PTPRK: variants seen among roughly 807,000 people sequenced by gnomAD.
The protein encoded by PTPRK is receptor-type tyrosine-protein phosphatase kappa.
PTPRK carries 75 observed loss-of-function variants against 178.0 expected under a neutral mutation model. The ratio of observed to expected loss-of-function variants is 0.42; its 90% confidence interval spans 0.35 to 0.51. The LOEUF is 0.51. PTPRK is among the 20% of genes least tolerant of loss of function. The probability of loss-of-function intolerance (pLI) is 0.02; values close to 1 mark genes in which losing one functional copy is unlikely to be tolerated. For synonymous variants in PTPRK, 637 were observed against 620.6 expected (o/e 1.03, Z -0.39); for missense variants, 1,441 against 1,797.8 (o/e 0.80, Z 3.59).
intron 2 of PTPRK, among the ~76,000 whole-genome samples, chr6:128,364,836 G>T (rs1405635032): frequency 6.6e-6 from 1 of 151,968 alleles, no homozygotes; most frequent in Non-Finnish European, 1.5e-5. Flanking sequence ...AAACGCCCAT[G>T]AAGTCTTTAA....
At chr6:128,026,186 T>A (rs1446442376) in intron 13 of PTPRK, among the ~76,000 whole-genome samples, 2 of 152,162 alleles carry the variant, frequency 1.3e-5, no homozygotes, top group Non-Finnish European at 2.9e-5. Context: ...TTGACAGATG[T>A]TGGTAGACAA....
chr6:128,013,180 C>G (rs1779233191), intron 13 of PTPRK, among the ~76,000 whole-genome samples: 1 of 151,346 alleles, frequency 6.6e-6, no homozygotes, highest in East Asian at 1.9e-4. Flanking sequence ...ACTTGGGTAC[C>G]TCCTAGTTTT....
At chr6:128,304,154 A>C (rs1240646000) in intron 3 of PTPRK, among the ~76,000 whole-genome samples, 1 of 152,246 alleles carries the variant, frequency 6.6e-6, no homozygotes, top group Non-Finnish European at 1.5e-5. Flanking sequence ...CTGGGGTGAC[A>C]TAAGACCTCT....
At chr6:128,082,258 G>C (rs1312488174) in intron 10 of PTPRK, among the ~76,000 whole-genome samples, 179 bp downstream of exon 10, 1 of 151,966 alleles carries the variant, frequency 6.6e-6, no homozygotes, top group African/African-American at 2.4e-5. Context: ...GATGTGTTTT[G>C]GTTTGGACAT....
chr6:128,329,497 G>A (rs1253170426), intron 2 of PTPRK, among the ~76,000 whole-genome samples: 1 of 151,548 alleles, frequency 6.6e-6, no homozygotes, highest in East Asian at 2.0e-4. Context: ...ATTCCAATCC[G>A]AGCCCAAAGG....
At chr6:128,449,096 G>A (rs1351986892) in intron 1 of PTPRK, among the ~76,000 whole-genome samples, 1 of 151,904 alleles carries the variant, frequency 6.6e-6, no homozygotes, top group African/African-American at 2.4e-5. Context: ...TCCTGACCTC[G>A]TGATCCACCC....
At chr6:128,045,491 G>GTA (rs1777897622) in intron 13 of PTPRK, among the ~76,000 whole-genome samples, 1 of 151,896 alleles carries the variant, frequency 6.6e-6, no homozygotes. Context: ...TTCTAAGAGG[G>GTA]TATGTGGGGA....
chr6:128,064,826 C>G, intron 12 of PTPRK, 32 bp from the exon 13 acceptor site: 13 of 1,556,822 alleles, frequency 8.4e-6, no homozygotes, highest in Non-Finnish European at 1.1e-5. Context: ...AAAAAAGAGT[C>G]AATGTACAGA....
At chr6:128,399,767 G>A (rs1486583229) in intron 1 of PTPRK, among the ~76,000 whole-genome samples, 1 of 152,124 alleles carries the variant, frequency 6.6e-6, no homozygotes, top group Non-Finnish European at 1.5e-5. Flanking sequence ...CATAGCCACT[G>A]TTAATTTTAG....
Position 128,496,010 on chromosome 6 carries a change from C to T in PTPRK, c.100+24249G>A, listed in dbSNP as rs561301521. Among the ~76,000 whole-genome samples, 7 of 152,174 alleles carry T rather than the reference C, an allele frequency of 4.6e-5. No homozygotes were observed. The South Asian group carries it at 1.5e-3, about 32-fold the overall frequency. The stretch of plus-strand genomic sequence containing the variant: ...CTTGGGTAAGACACATTCTTCTAAA[C>T]CCCCTATATTTTTTTCTGGACTTTC... On this transcript the variant is annotated intron_variant, in intron 1 of 29. Transcript: ENST00000368226.
At chr6:128,028,549 T>A (rs1434956886) in intron 13 of PTPRK, among the ~76,000 whole-genome samples, 1 of 152,254 alleles carries the variant, frequency 6.6e-6, no homozygotes, top group African/African-American at 2.4e-5. Context: ...CTGCCCATGC[T>A]GTTACCAGTG....
chr6:127,982,095 C>G (rs906421684), intron 24 of PTPRK, among the ~76,000 whole-genome samples: 1 of 152,158 alleles, frequency 6.6e-6, no homozygotes, highest in African/African-American at 2.4e-5. Context: ...GCCTTGGCAT[C>G]CCAAAGTGCT....
intron 3 of PTPRK, among the ~76,000 whole-genome samples, chr6:128,298,999 G>T (rs1182471873): frequency 1.3e-5 from 2 of 152,178 alleles, no homozygotes; most frequent in African/African-American, 4.8e-5. Context: ...ATCTCCTCAA[G>T]CTGATAAGCA....
intron 1 of PTPRK, among the ~76,000 whole-genome samples, chr6:128,513,517 TAAAGAA>T (rs1554287272): frequency 2.0e-5 from 3 of 147,278 alleles, no homozygotes; most frequent in Non-Finnish European, 4.5e-5. Flanking sequence ...AAGAAAGAAA[TAAAGAA>T]AAAGAAAAAG....
intron 2 of PTPRK, among the ~76,000 whole-genome samples, chr6:128,358,540 T>A (rs1305987906): frequency 6.6e-6 from 1 of 152,200 alleles, no homozygotes; most frequent in African/African-American, 2.4e-5. Flanking sequence ...AAAAGAAGAA[T>A]CTTGAGCAGA....
chr6:128,311,165 G>T (rs1424107060), intron 3 of PTPRK, among the ~76,000 whole-genome samples: 1 of 152,110 alleles, frequency 6.6e-6, no homozygotes, highest in Non-Finnish European at 1.5e-5. Context: ...CCAAGAGAAA[G>T]GGAACTAAGT....
At chr6:128,404,345 G>A (rs1375017740) in intron 1 of PTPRK, among the ~76,000 whole-genome samples, 1 of 152,244 alleles carries the variant, frequency 6.6e-6, no homozygotes, top group Non-Finnish European at 1.5e-5. Flanking sequence ...AAGCTTGTAA[G>A]ACCACAGTGG....
intron 7 of PTPRK, among the ~76,000 whole-genome samples, chr6:128,152,094 T>A (rs1249211071): frequency 1.3e-5 from 2 of 151,874 alleles, no homozygotes; most frequent in East Asian, 3.9e-4. Flanking sequence ...TGCCACAAGG[T>A]CAGGAAGAAG....
chr6:127,998,460 A>G (rs910342621), intron 16 of PTPRK, among the ~76,000 whole-genome samples: 16 of 152,138 alleles, frequency 1.1e-4, no homozygotes, highest in South Asian at 4.1e-4. Flanking sequence ...TTTTAATACC[A>G]TAGTAAAATA....
Sources: allele counts gnomAD v4.1 joint callset (sites outside exome capture counted in the v4.1 genomes callset), GRCh38; gene constraint gnomAD v4.1.1; transcripts MANE v1.5; gene names NCBI Gene and HGNC (gene_info 2026-07-23, HGNC 2026-07-21).